Variants in CSMD1 observed in about 807,000 individuals in gnomAD.
CSMD1 encodes the protein CUB and Sushi multiple domains 1.
Under a neutral mutation model 417.5 loss-of-function variants are expected in CSMD1, and 213 were observed. The observed-to-expected ratio is 0.51, with a 90% CI of 0.46 to 0.57. The LOEUF (loss-of-function observed/expected upper bound fraction) is 0.57. Ranked by LOEUF, CSMD1 falls within the 20% of genes least tolerant of loss-of-function variation. The pLI is 0.00. For synonymous variants in CSMD1, 2,862 were observed against 1,736.8 expected (o/e 1.65, Z -16.11); for missense variants, 6,923 against 4,529.7 (o/e 1.53, Z -15.17).
intron 1 of CSMD1, among the ~76,000 whole-genome samples, chr8:4,747,959 C>T (rs1031630910): frequency 6.6e-6 from 1 of 152,216 alleles, no homozygotes; most frequent in Non-Finnish European, 1.5e-5. Flanking sequence ...GTTCTGCCTT[C>T]TACTTACCAC....
At position 3,207,604 on chromosome 8, in the gene CSMD1, CT is replaced by C. The variant is rs1797376637; in HGVS notation, c.4868-1985del. On this transcript the variant is annotated intron_variant, in intron 30 of 69. Transcript: ENST00000635120. ...TATGGTAATGCTAAGGATAAGGCAA[CT>C]TGTTAATGATTAGTCAAGAAATTTC... Among the ~76,000 whole-genome samples the C allele has an allele frequency of 2.0e-5, 3 of 152,048 alleles. No individual in the cohort carries two copies. The South Asian group carries it at 6.2e-4, about 31-fold the overall frequency.
intron 10 of CSMD1, among the ~76,000 whole-genome samples, chr8:3,573,014 A>G (rs916330544): frequency 1.5e-5 from 2 of 137,014 alleles, no homozygotes; most frequent in East Asian, 3.9e-4. Flanking sequence ...TATAATTTTA[A>G]TTCAAATTGA....
chr8:3,310,723 G>A (rs571834784), intron 23 of CSMD1, among the ~76,000 whole-genome samples: 1 of 151,430 alleles, frequency 6.6e-6, no homozygotes, highest in Non-Finnish European at 1.5e-5. Flanking sequence ...CATGCTAACA[G>A]GGCATCCAGG....
chr8:3,373,056 A>G (rs1265691474), intron 18 of CSMD1, among the ~76,000 whole-genome samples: 1 of 152,212 alleles, frequency 6.6e-6, no homozygotes, highest in Non-Finnish European at 1.5e-5. Flanking sequence ...AAAACATTTT[A>G]TGTAAAACTG....
intron 10 of CSMD1, among the ~76,000 whole-genome samples, chr8:3,523,152 C>A (rs529282669): frequency 6.6e-6 from 1 of 152,198 alleles, no homozygotes; most frequent in African/African-American, 2.4e-5. Flanking sequence ...TCCTCCTTGG[C>A]ATTCCTCAAA....
intron 8 of CSMD1, among the ~76,000 whole-genome samples, chr8:3,589,853 C>G (rs923336219): frequency 7.2e-5 from 11 of 152,074 alleles, no homozygotes; most frequent in African/African-American, 2.7e-4. Flanking sequence ...CTCATGTACA[C>G]CATAAATATC....
chr8:4,029,897 T>TA (rs1797253455), intron 4 of CSMD1, among the ~76,000 whole-genome samples: 2 of 144,886 alleles, frequency 1.4e-5, no homozygotes, highest in South Asian at 4.3e-4. Flanking sequence ...GAGAAATTGG[T>TA]CAAAACAAAG....
At chr8:3,947,878 C>T (rs1438012501) in intron 5 of CSMD1, among the ~76,000 whole-genome samples, 1 of 152,118 alleles carries the variant, frequency 6.6e-6, no homozygotes, top group East Asian at 1.9e-4. Flanking sequence ...CAACTTATGT[C>T]TACCTGTTCT....
intron 3 of CSMD1, among the ~76,000 whole-genome samples, chr8:4,078,493 T>C (rs1265487098): frequency 1.3e-5 from 2 of 151,872 alleles, no homozygotes; most frequent in East Asian, 1.9e-4. Flanking sequence ...CTCGATCTCC[T>C]GACCTTGTGA....
intron 5 of CSMD1, among the ~76,000 whole-genome samples, chr8:3,925,117 G>C (rs890663565): frequency 3.3e-5 from 5 of 152,178 alleles, no homozygotes; most frequent in Non-Finnish European, 7.3e-5. Flanking sequence ...TCAGTAAAGA[G>C]AGCCTGAGGC....
At chr8:3,072,249 T>A (rs549852428) in intron 49 of CSMD1, among the ~76,000 whole-genome samples, 3 of 152,210 alleles carry the variant, frequency 2.0e-5, no homozygotes. Flanking sequence ...AAGAGTCCAA[T>A]TAATGATTTT....
chr8:3,284,232 C>G lies in CSMD1; in HGVS notation c.4065G>C (p.Glu1355Asp), dbSNP rs1802965913. ...LKEWSGSALP[E>D]DIHSTFNSLT... The stretch of plus-strand genomic sequence containing the variant: ...GTGAGTTGAAGGTGCTGTGGATGTC[C>G]TCCGGAAGGGCGGAGCCACTCCACT... The change falls in exon 26 of 70, where the codon GAG (glutamate) becomes GAC (aspartate). Residue 1355 changes from glutamate to aspartate, a missense_variant. Coordinates refer to ENST00000635120, the MANE Select transcript of CSMD1 (RefSeq NM_033225.6). 1.2e-6 allele frequency: 2 copies of G among 1,613,114 alleles called. No homozygotes were observed. The highest frequency in any genetic ancestry group is 1.7e-6 in the Non-Finnish European group (2 of 1,179,676).
chr8:3,272,974 T>A (rs1470929892), intron 26 of CSMD1, among the ~76,000 whole-genome samples: 1 of 150,532 alleles, frequency 6.6e-6, no homozygotes, highest in African/African-American at 2.4e-5. Flanking sequence ...CTATGTTGAA[T>A]AGGAGTGGTG....
At chr8:3,803,668 G>GCAC (rs374375590) in intron 5 of CSMD1, among the ~76,000 whole-genome samples, 4 of 152,178 alleles carry the variant, frequency 2.6e-5, no homozygotes, top group African/African-American at 9.7e-5. Flanking sequence ...GGCCAGAGTG[G>GCAC]CACCACGCAG....
At chr8:3,192,375 C>G (rs1213517957) in intron 33 of CSMD1, among the ~76,000 whole-genome samples, 1 of 152,070 alleles carries the variant, frequency 6.6e-6, no homozygotes, top group East Asian at 1.9e-4. Flanking sequence ...AGGGATGGGA[C>G]CCAAGTCTAA....
At chr8:3,513,010 A>G (rs5028045) in intron 10 of CSMD1, among the ~76,000 whole-genome samples, 1 of 151,846 alleles carries the variant, frequency 6.6e-6, no homozygotes, top group African/African-American at 2.4e-5. Context: ...CATGCTTGAA[A>G]GATCATTTAA....
intron 10 of CSMD1, among the ~76,000 whole-genome samples, chr8:3,495,722 C>G (rs575729397): frequency 6.6e-6 from 1 of 152,150 alleles, no homozygotes; most frequent in South Asian, 2.1e-4. Context: ...GTAAAAGAAC[C>G]AGAGATGCAA....
chr8:4,957,373 G>C (rs1375277835), intron 1 of CSMD1, among the ~76,000 whole-genome samples: 1 of 152,146 alleles, frequency 6.6e-6, no homozygotes, highest in Non-Finnish European at 1.5e-5. Flanking sequence ...GAAAAATTAT[G>C]TTCAAAAAGC....
At chr8:3,101,054 T>A (rs1815698787) in intron 46 of CSMD1, among the ~76,000 whole-genome samples, 1 of 20,908 alleles carries the variant, frequency 4.8e-5, no homozygotes, top group Admixed American at 7.8e-4. Flanking sequence ...ATACGTATGG[T>A]GTTTTTTTTT....
Sources: allele counts gnomAD v4.1 joint callset (sites outside exome capture counted in the v4.1 genomes callset), GRCh38; gene constraint gnomAD v4.1.1; transcripts MANE v1.5; gene names NCBI Gene and HGNC (gene_info 2026-07-23, HGNC 2026-07-21).